KAZN: variants seen among roughly 807,000 people sequenced by gnomAD.
KAZN encodes kazrin, periplakin interacting protein, also known as kazrin.
A neutral mutation model predicts 87.4 loss-of-function variants in KAZN; 40 were observed. The ratio of observed to expected loss-of-function variants is 0.46; its 90% CI spans 0.36 to 0.60. The LOEUF is 0.60. Among genes scored for constraint, KAZN ranks in the 20% least tolerant of loss-of-function variants. KAZN has a pLI of 0.00. For synonymous variants in KAZN, 466 were observed against 458.3 expected, an observed-to-expected ratio of 1.02 and a Z score of -0.22; for missense variants, 898 against 1,073.9, an observed-to-expected ratio of 0.84 and a Z score of 2.29.
rs1338642006 is a variant in KAZN, at chr1:14,334,310, A to C, written c.249+153718A>C. Among the ~76,000 whole-genome samples, 4 of 130,392 alleles carry C rather than the reference A, an allele frequency of 3.1e-5. No homozygotes were observed. In the Admixed American group the frequency reaches 3.7e-4, roughly 12 times the overall value. 85.5% of individuals were successfully genotyped at this position (130,392 alleles called of 152,430 possible). A position where few individuals can be genotyped will look rare whatever the true frequency, so the allele number is the denominator to read the frequency against. The stretch of plus-strand genomic sequence containing the variant: ...AACCCAAGAAGCAGAGGTTGCAGTG[A>C]GCCGAGATTGCACCACTGCACTCCA... On this transcript the variant is annotated intron_variant, in intron 2 of 16. Coordinates refer to the KAZN transcript ENST00000636203.
chr1:14,522,706 C>T (rs80053374), intron 2 of KAZN, among the ~76,000 whole-genome samples: 3,346 of 152,232 alleles, frequency 0.022, 65 homozygotes, highest in East Asian at 0.041. Flanking sequence ...CTGCAATTAC[C>T]GGGATACTTA....
chr1:14,505,023 A>G (rs982942964), intron 2 of KAZN, among the ~76,000 whole-genome samples: 14 of 152,152 alleles, frequency 9.2e-5, no homozygotes, highest in African/African-American at 2.9e-4. Flanking sequence ...AGTGTAGCTC[A>G]GGAGGGAACT....
chr1:14,185,968 A>G (rs1646296835), intron 2 of KAZN, among the ~76,000 whole-genome samples: 1 of 152,168 alleles, frequency 6.6e-6, no homozygotes, highest in African/African-American at 2.4e-5. Flanking sequence ...TGAGACTCAG[A>G]AAAAAGATTG....
At chr1:13,962,513 T>C (rs1641792007) in intron 1 of KAZN, among the ~76,000 whole-genome samples, 1 of 152,156 alleles carries the variant, frequency 6.6e-6, no homozygotes, top group South Asian at 2.1e-4. Context: ...CATCATTTCT[T>C]GTTTACTTTC....
chr1:15,080,043 A>T (rs1639924739), intron 8 of KAZN, among the ~76,000 whole-genome samples: 1 of 152,172 alleles, frequency 6.6e-6, no homozygotes, highest in South Asian at 2.1e-4. Context: ...AGTGCAGAGC[A>T]GTGGGGACCC....
intron 1 of KAZN, among the ~76,000 whole-genome samples, chr1:14,952,272 G>GTA (rs1557654726): frequency 2.0e-5 from 3 of 148,730 alleles, no homozygotes; most frequent in African/African-American, 7.4e-5. Context: ...GTGTGTGTGT[G>GTA]TGTGTCTCAA....
intron 2 of KAZN, among the ~76,000 whole-genome samples, chr1:14,346,276 C>T (rs2789745): frequency 0.081 from 12,382 of 152,098 alleles, 583 homozygotes; most frequent in African/African-American, 0.12. Context: ...AGTTTTGGCT[C>T]GAAAATGCTC....
intron 1 of KAZN, among the ~76,000 whole-genome samples, chr1:14,114,629 AATG>A (rs1644573540): frequency 6.6e-6 from 1 of 152,104 alleles, no homozygotes; most frequent in Middle Eastern, 3.2e-3. Context: ...CACCATTAAC[AATG>A]ATAATGGTTT....
At chr1:14,664,693 A>T (rs1572170492) in intron 1 of KAZN, among the ~76,000 whole-genome samples, 1 of 140,430 alleles carries the variant, frequency 7.1e-6, no homozygotes, top group East Asian at 2.1e-4. Flanking sequence ...TCGCTCTGTC[A>T]CCCAGGCTGG....
intron 1 of KAZN, among the ~76,000 whole-genome samples, chr1:14,662,964 C>CATATAT (rs141562526): frequency 0.031 from 3,961 of 127,928 alleles, 87 homozygotes; most frequent in South Asian, 0.054. Context: ...TATATGCACA[C>CATATAT]ATATATATAT....
chr1:14,368,269 C>G (rs537242283), intron 2 of KAZN, among the ~76,000 whole-genome samples: 1 of 152,270 alleles, frequency 6.6e-6, no homozygotes, highest in African/African-American at 2.4e-5. Context: ...GCAGTGTTGT[C>G]TTTGGAAGGC....
chr1:14,949,627 A>G lies in KAZN; in HGVS notation c.227-11057A>G, dbSNP rs1440579906. Among the ~76,000 whole-genome samples, 2 of 152,126 alleles carry G rather than the reference A, an allele frequency of 1.3e-5. No individual in the cohort carries two copies. Among genetic ancestry groups the G allele is most frequent in the African/African-American group, 4.8e-5 (2 of 41,404 alleles). On this transcript the variant is annotated intron_variant, in intron 1 of 14. Coordinates refer to ENST00000376030, the MANE Select transcript of KAZN (RefSeq NM_201628.3). The surrounding 1 kb of genome is among the most constrained non-coding windows in gnomAD (Gnocchi z 4.3). ...TTGTAGCCTCTGCCATGAAGGTGTT[A>G]CCCAAACCTCCGGCAGACCCCAGGG...
chr1:14,713,775 CAAAAAAAAAAA>C (rs58947119), intron 1 of KAZN, among the ~76,000 whole-genome samples: 1 of 94,634 alleles, frequency 1.1e-5, no homozygotes. Context: ...CTCATCTCTA[CAAAAAAAAAAA>C]AAAAAAAAAA....
At chr1:14,328,634 T>C (rs1656612671) in intron 2 of KAZN, among the ~76,000 whole-genome samples, 1 of 150,054 alleles carries the variant, frequency 6.7e-6, no homozygotes, top group African/African-American at 2.5e-5. Flanking sequence ...ACCCGAGACG[T>C]GGAGCTTGTA....
chr1:13,954,553 T>A (rs1451699449), intron 1 of KAZN, among the ~76,000 whole-genome samples: 1 of 152,176 alleles, frequency 6.6e-6, no homozygotes, highest in African/African-American at 2.4e-5. Flanking sequence ...ATGGGAAAAT[T>A]TCATAGGGAA....
At chr1:14,077,631 G>A (rs962662289) in intron 1 of KAZN, among the ~76,000 whole-genome samples, 1 of 152,222 alleles carries the variant, frequency 6.6e-6, no homozygotes, top group Admixed American at 6.5e-5. Context: ...GAAACCAAAA[G>A]ATGGTGTAGA....
intron 1 of KAZN, among the ~76,000 whole-genome samples, chr1:14,660,541 C>CTCTCTTTTTT (rs1553205034): frequency 1.3e-5 from 1 of 76,006 alleles, no homozygotes; most frequent in African/African-American, 5.4e-5. Flanking sequence ...CTCTCTCTCT[C>CTCTCTTTTTT]TTTTTTTTTT....
At chr1:14,967,332 A>G (rs72639807) in intron 2 of KAZN, among the ~76,000 whole-genome samples, 4,191 of 149,342 alleles carry the variant, frequency 0.028, 84 homozygotes, top group Non-Finnish European at 0.042. Flanking sequence ...TTTGTACTTT[A>G]CTCTCCCCCA....
chr1:14,871,301 C>T (rs913707045), intron 1 of KAZN, among the ~76,000 whole-genome samples: 7 of 151,894 alleles, frequency 4.6e-5, no homozygotes, highest in African/African-American at 1.7e-4. Context: ...TCCCCAATTC[C>T]TTCCATGAAC....
Sources: gnomAD v4.1 joint callset for allele counts (sites outside exome capture counted in the v4.1 genomes callset) on GRCh38, gnomAD v4.1.1 for gene constraint, Gnocchi (gnomAD v3.1) non-coding constraint, MANE v1.5 for transcripts, NCBI Gene and HGNC (gene_info 2026-07-23, HGNC 2026-07-21) for gene names.